The following ANXA8 variants were observed in gnomAD, a reference collection of about 807,000 sequenced individuals.
ANXA8 encodes the protein VAC-beta.
Under a neutral mutation model 26.8 loss-of-function variants are expected in ANXA8, and 9 were observed. The ratio of observed to expected loss-of-function variants is 0.34; its 90% confidence interval spans 0.20 to 0.59. The LOEUF (loss-of-function observed/expected upper bound fraction) is 0.59, where lower values mean the gene tolerates loss of function less well. Among genes scored for constraint, ANXA8 ranks in the 20% least tolerant of loss-of-function variants. The pLI is 0.84. For missense variants in ANXA8, 83 were observed against 238.5 expected (o/e 0.35, Z 4.29); for synonymous variants, 39 against 94.8 (o/e 0.41, Z 3.42).
chr10:47,515,935 A>G, the ANXA8 span, among the ~76,000 whole-genome samples: 5 of 124,828 alleles, frequency 4.0e-5, no homozygotes, highest in African/African-American at 1.5e-4. Context: ...AGCCTCCAAG[A>G]AAAGAGATCA....
the ANXA8 span, among the ~76,000 whole-genome samples, chr10:47,660,851 A>T: frequency 6.6e-6 from 1 of 151,032 alleles, no homozygotes; most frequent in Non-Finnish European, 1.5e-5. Flanking sequence ...GAGTGCCACA[A>T]GAGAGATTTA....
chr10:47,669,573 G>A, the ANXA8 span, among the ~76,000 whole-genome samples: 30 of 151,724 alleles, frequency 2.0e-4, no homozygotes, highest in African/African-American at 6.3e-4. Context: ...AAATTAACCC[G>A]GTGTGGTGGT....
chr10:47,694,396 T>C, the ANXA8 span, among the ~76,000 whole-genome samples: 1 of 149,722 alleles, frequency 6.7e-6, no homozygotes, highest in African/African-American at 2.5e-5. Context: ...TATTGATATA[T>C]ACCCCCAAAC....
At chr10:47,697,175 A>G in the ANXA8 span, among the ~76,000 whole-genome samples, 1 of 152,214 alleles carries the variant, frequency 6.6e-6, no homozygotes, top group African/African-American at 2.4e-5. Context: ...GGACTCAGAT[A>G]GACCAGGATT....
At chr10:47,742,973 T>G in the ANXA8 span, among the ~76,000 whole-genome samples, 1 of 125,900 alleles carries the variant, frequency 7.9e-6, no homozygotes, top group Admixed American at 8.7e-5. Flanking sequence ...GTTAACACGG[T>G]GAAACCCCGT....
the ANXA8 span, among the ~76,000 whole-genome samples, chr10:47,695,293 C>A: frequency 1.3e-5 from 2 of 151,188 alleles, no homozygotes; most frequent in African/African-American, 2.4e-5. Context: ...GGGTTGCAGG[C>A]GGGACAAGCA....
At chr10:47,548,370 C>T in the ANXA8 span, among the ~76,000 whole-genome samples, 6 of 147,728 alleles carry the variant, frequency 4.1e-5, no homozygotes, top group East Asian at 4.4e-4. Context: ...GGCACGATCT[C>T]GCCTCACCGC....
At chr10:47,631,182 C>A in the ANXA8 span, among the ~76,000 whole-genome samples, 4 of 150,154 alleles carry the variant, frequency 2.7e-5, no homozygotes, top group Admixed American at 6.6e-5. Flanking sequence ...GTTTCAGATT[C>A]TTTGGAATTT....
chr10:47,976,501 A>G, the ANXA8 span, among the ~76,000 whole-genome samples: 1 of 150,990 alleles, frequency 6.6e-6, no homozygotes, highest in Non-Finnish European at 1.5e-5. Flanking sequence ...TAAGTCCATG[A>G]GTTTGAGACC....
the ANXA8 span, among the ~76,000 whole-genome samples, chr10:47,749,979 G>A: frequency 4.6e-5 from 7 of 152,006 alleles, no homozygotes; most frequent in African/African-American, 1.7e-4. Flanking sequence ...CATAATAAAG[G>A]TTCACTCTAC....
the ANXA8 span, among the ~76,000 whole-genome samples, chr10:47,686,460 C>A: frequency 2.6e-5 from 4 of 151,840 alleles, no homozygotes; most frequent in Admixed American, 2.0e-4. Flanking sequence ...GATCCACCTG[C>A]CTCAGCCTCC....
In ANXA8 at chr10:47,468,865, C is replaced by G; in HGVS notation, c.966G>C (p.Leu322=). The change falls in exon 12 of 12, where the codon CTG becomes CTC. Residue 322 remains leucine (L), a synonymous_variant. Transcript: ENST00000585281. Reference sequence around the variant, plus strand: ...CTGTGCCTCAGGGGTCGCTGCCCACCAGGCTCAGCAGGGCGTTCTTGTAGT... The same window carrying G: ...CTGTGCCTCAGGGGTCGCTGCCCACGAGGCTCAGCAGGGCGTTCTTGTAGT... The part of the protein sequence containing the change: ...SGDYKNALLS[L]VGSDP 6.2e-7 allele frequency: 1 copy of G among 1,611,014 alleles called. No individual in the cohort carries two copies. Among genetic ancestry groups the G allele is most frequent in the Non-Finnish European group, 8.5e-7 (1 of 1,179,730 alleles).
chr10:47,668,998 A>G, the ANXA8 span, among the ~76,000 whole-genome samples: 1 of 151,764 alleles, frequency 6.6e-6, no homozygotes, highest in Non-Finnish European at 1.5e-5. Context: ...TGAGAGAGTG[A>G]GGGAAGTAGG....
chr10:47,938,802 C>T, the ANXA8 span, among the ~76,000 whole-genome samples: 6 of 149,426 alleles, frequency 4.0e-5, 1 homozygote, highest in East Asian at 1.1e-3. Flanking sequence ...ATGCAAAGCA[C>T]GTGAGGATTC....
chr10:47,668,970 G>A, the ANXA8 span, among the ~76,000 whole-genome samples: 1 of 151,824 alleles, frequency 6.6e-6, no homozygotes, highest in Admixed American at 6.6e-5. Context: ...GTGGGAGGAG[G>A]TCTGTATGCC....
At chr10:47,937,918 A>T in the ANXA8 span, among the ~76,000 whole-genome samples, 3 of 127,684 alleles carry the variant, frequency 2.3e-5, no homozygotes, top group Non-Finnish European at 3.5e-5. Flanking sequence ...TCTTTATCCA[A>T]TCTACCATTG....
At chr10:47,973,576 A>T in the ANXA8 span, 3 of 150,824 alleles carry the variant, frequency 2.0e-5, no homozygotes, top group African/African-American at 7.2e-5. Context: ...ACAGCTTGAA[A>T]GGCTCTTCTT....
the ANXA8 span, chr10:47,565,203 G>A: frequency 1.6e-6 from 1 of 641,488 alleles, no homozygotes; most frequent in Non-Finnish European, 2.8e-6. Context: ...ACCCCCTCAG[G>A]AATGCAGGAG....
the ANXA8 span, among the ~76,000 whole-genome samples, chr10:47,704,770 GACA>G: frequency 3.3e-5 from 5 of 152,100 alleles, no homozygotes; most frequent in African/African-American, 7.2e-5. Flanking sequence ...AGCTGTCATT[GACA>G]ACAATATTAT....
Sources: allele counts gnomAD v4.1 joint callset (sites outside exome capture counted in the v4.1 genomes callset), GRCh38; gene constraint gnomAD v4.1.1; transcripts MANE v1.5; gene names NCBI Gene and HGNC (gene_info 2026-07-23, HGNC 2026-07-21).